The following KAZN variants were observed in gnomAD, a reference collection of about 807,000 sequenced individuals.
KAZN encodes kazrin, periplakin interacting protein, also known as kazrin.
KAZN carries 40 observed loss-of-function variants against 87.4 expected under a neutral mutation model. That is an observed-to-expected ratio of 0.46 (90% CI 0.36 to 0.60). The LOEUF is 0.60. Ranked by LOEUF, KAZN falls within the 20% of genes least tolerant of loss-of-function variation. KAZN has a pLI of 0.00. For synonymous variants in KAZN, 466 were observed against 458.3 expected, an observed-to-expected ratio of 1.02 and a Z score of -0.22; for missense variants, 898 against 1,073.9, an observed-to-expected ratio of 0.84 and a Z score of 2.29.
intron 1 of KAZN, among the ~76,000 whole-genome samples, chr1:14,026,561 A>G (rs1256367482): frequency 6.6e-6 from 1 of 152,180 alleles, no homozygotes; most frequent in Non-Finnish European, 1.5e-5. Context: ...CTTGATTTAA[A>G]AATAATTTGT....
At chr1:14,912,371 A>G (rs1380573052) in intron 1 of KAZN, among the ~76,000 whole-genome samples, 5 of 152,114 alleles carry the variant, frequency 3.3e-5, no homozygotes, top group Non-Finnish European at 7.4e-5. Flanking sequence ...GAGGTCACAT[A>G]CCTGGGTAAG....
At chr1:14,157,262 G>T (rs1461262286) in intron 1 of KAZN, among the ~76,000 whole-genome samples, 1 of 152,000 alleles carries the variant, frequency 6.6e-6, no homozygotes, top group Non-Finnish European at 1.5e-5. Context: ...TCTAATTAAG[G>T]TAACAGTAAT....
chr1:15,052,738 A>G (rs1306313334), intron 4 of KAZN, among the ~76,000 whole-genome samples: 3 of 152,158 alleles, frequency 2.0e-5, no homozygotes, highest in Non-Finnish European at 2.9e-5. Context: ...TACAATCCTG[A>G]GTGGGCAGAG....
chr1:14,778,408 A>AC (rs1341714411), intron 1 of KAZN, among the ~76,000 whole-genome samples: 2 of 149,314 alleles, frequency 1.3e-5, no homozygotes, highest in African/African-American at 2.5e-5. Context: ...AAAAAAAAAA[A>AC]AAAAACCCAC....
At chr1:14,905,845 A>AAATAATAATAATAAT (rs59662108) in intron 1 of KAZN, among the ~76,000 whole-genome samples, 25 of 143,302 alleles carry the variant, frequency 1.7e-4, no homozygotes, top group Middle Eastern at 3.5e-3. Flanking sequence ...TCCGTCTCAA[A>AAATAATAATAATAAT]AATAATAATA....
intron 2 of KAZN, among the ~76,000 whole-genome samples, chr1:14,311,435 G>A (rs1337280747): frequency 1.3e-5 from 2 of 152,112 alleles, no homozygotes; most frequent in African/African-American, 4.8e-5. Context: ...TTATAACCAT[G>A]ATGAAGGCAA....
chr1:14,033,008 C>T (rs1641394595), intron 1 of KAZN, among the ~76,000 whole-genome samples: 1 of 152,154 alleles, frequency 6.6e-6, no homozygotes, highest in African/African-American at 2.4e-5. Flanking sequence ...CAGGGTCAAG[C>T]ATTTTCTCAC....
At chr1:14,046,026 G>C (rs1441579018) in intron 1 of KAZN, among the ~76,000 whole-genome samples, 1 of 152,192 alleles carries the variant, frequency 6.6e-6, no homozygotes, top group Non-Finnish European at 1.5e-5. Flanking sequence ...AGGTCCATTT[G>C]CTATGAAAAT....
intron 2 of KAZN, among the ~76,000 whole-genome samples, chr1:14,414,070 GCC>G (rs1216724520): frequency 2.0e-5 from 3 of 152,128 alleles, no homozygotes; most frequent in African/African-American, 7.2e-5. Flanking sequence ...AATGTCCAAG[GCC>G]CATAACATGC....
chr1:14,680,432 G>T lies in KAZN; in HGVS notation c.226+81209G>T, dbSNP rs546767172. 7.9e-5 allele frequency among the ~76,000 whole-genome samples: 12 copies of T among 152,164 alleles called. No homozygotes were observed. In the South Asian group the frequency reaches 2.3e-3, roughly 29 times the overall value. ...TAGAGTATGTGTACTTTTATGTTGG[G>T]CTGCTTTCACTCAGCAAAATATTTT... On this transcript the variant is annotated intron_variant, in intron 1 of 14. Transcript: ENST00000376030.
intron 2 of KAZN, among the ~76,000 whole-genome samples, chr1:14,964,086 A>G (rs1161082049): frequency 6.6e-6 from 1 of 152,202 alleles, no homozygotes; most frequent in African/African-American, 2.4e-5. Context: ...GTGCTGCAGT[A>G]AACATACGTG....
At chr1:14,368,973 C>G (rs1042006292) in intron 2 of KAZN, among the ~76,000 whole-genome samples, 4 of 152,144 alleles carry the variant, frequency 2.6e-5, no homozygotes, top group Non-Finnish European at 5.9e-5. Context: ...TTATCCGGGT[C>G]ACCTTTCTTT....
intron 2 of KAZN, among the ~76,000 whole-genome samples, chr1:14,295,796 G>A (rs1654067975): frequency 6.6e-6 from 1 of 152,158 alleles, no homozygotes. Flanking sequence ...TGCAATTGCA[G>A]AGAACCCCAT....
At chr1:14,543,849 T>G (rs912482149) in intron 2 of KAZN, among the ~76,000 whole-genome samples, 2 of 152,196 alleles carry the variant, frequency 1.3e-5, no homozygotes, top group African/African-American at 4.8e-5. Flanking sequence ...GGAATAAGAT[T>G]ATTAGATGAC....
rs533037606 is a variant in KAZN at position 14,503,379 on chromosome 1, G to C, written c.250-95604G>C. The stretch of plus-strand genomic sequence containing the variant: ...GGTGCCTGTGGTCCCAGCTACTCGG[G>C]AGGCTGAGGCAGGAGAATGGCATGA... On this transcript the variant is annotated intron_variant, in intron 2 of 16. Coordinates refer to the KAZN transcript ENST00000636203. 4.6e-5 allele frequency among the ~76,000 whole-genome samples: 7 copies of C among 151,318 alleles called. No homozygotes were observed. The East Asian group carries it at 1.4e-3, about 30-fold the overall frequency.
At chr1:14,514,583 T>TAATATATGAAATATATATG (rs1345658172) in intron 2 of KAZN, among the ~76,000 whole-genome samples, 1 of 62,820 alleles carries the variant, frequency 1.6e-5, no homozygotes, top group Non-Finnish European at 3.2e-5. Flanking sequence ...ATTTTATATA[T>TAATATATGAAATATATATG]TTTTTTATAT....
intron 2 of KAZN, among the ~76,000 whole-genome samples, chr1:14,500,147 A>G (rs1203837166): frequency 6.6e-6 from 1 of 152,176 alleles, no homozygotes; most frequent in Non-Finnish European, 1.5e-5. Context: ...CCCCCAAGTC[A>G]TGATGCTACC....
At chr1:14,244,110 A>C (rs1404539122) in intron 2 of KAZN, among the ~76,000 whole-genome samples, 3 of 151,814 alleles carry the variant, frequency 2.0e-5, no homozygotes, top group African/African-American at 4.8e-5. Context: ...GGCTTCTGTT[A>C]AAACAAACAA....
chr1:14,079,638 G>A (rs183610914), intron 1 of KAZN, among the ~76,000 whole-genome samples: 1 of 152,172 alleles, frequency 6.6e-6, no homozygotes, highest in African/African-American at 2.4e-5. Flanking sequence ...TTCCAAAGTC[G>A]ATATACTCAC....
Sources: gnomAD v4.1 joint callset for allele counts (sites outside exome capture counted in the v4.1 genomes callset) on GRCh38, gnomAD v4.1.1 for gene constraint, MANE v1.5 for transcripts, NCBI Gene and HGNC (gene_info 2026-07-23, HGNC 2026-07-21) for gene names.